The following MID2 variants were observed in gnomAD, a reference collection of about 807,000 sequenced individuals.
MID2 encodes the protein midline 2, also known as probable E3 ubiquitin-protein ligase MID2.
Under a neutral mutation model 46.1 loss-of-function variants are expected in MID2, and 13 were observed. The observed-to-expected ratio is 0.28, with a 90% CI of 0.18 to 0.45. The LOEUF is 0.45. Ranked by LOEUF, MID2 falls within the 20% of genes least tolerant of loss-of-function variation. The pLI is 1.00. For synonymous variants in MID2, 199 were observed against 212.3 expected, an observed-to-expected ratio of 0.94 and a Z score of 0.55; for missense variants, 431 against 575.4, an observed-to-expected ratio of 0.75 and a Z score of 2.57.
At chrX:107,917,463 G>C (rs752137456) in intron 6 of MID2, 43 bp from the exon 7 acceptor site, 18 of 1,036,210 alleles carry the variant, frequency 1.7e-5, no homozygotes, top group Non-Finnish European at 2.0e-5. Flanking sequence ...TTCCAGAAGA[G>C]AAAGTATGCT....
At chrX:107,851,697 GA>G (rs2147832565) in intron 2 of MID2, among the ~76,000 whole-genome samples, 1 of 110,322 alleles carries the variant, frequency 9.1e-6, no homozygotes, top group Non-Finnish European at 1.9e-5. Context: ...AACAAACAAA[GA>G]AACTACAAAC....
intron 1 of MID2, among the ~76,000 whole-genome samples, chrX:107,838,390 T>G (rs983469891): frequency 6.2e-5 from 7 of 112,443 alleles, no homozygotes; most frequent in Non-Finnish European, 1.1e-4. Flanking sequence ...CTTTTTCATC[T>G]GTATGGGTGA....
chrX:107,835,487 T>A (rs1931181999), intron 1 of MID2, among the ~76,000 whole-genome samples: 1 of 112,384 alleles, frequency 8.9e-6, no homozygotes, highest in African/African-American at 3.2e-5. Context: ...GGGTTCTAAC[T>A]TCTCCAAATC....
chrX:107,914,393 C>T (rs947652279), intron 5 of MID2, among the ~76,000 whole-genome samples: 5 of 112,384 alleles, frequency 4.4e-5, no homozygotes, highest in Non-Finnish European at 3.8e-5. Context: ...CATGTGAGAC[C>T]TTATGATTGT....
rs766824062 is a variant in MID2 at position 107,831,152 on chromosome X, CTGGTTCAGCCTAAG to C, written c.4+4726_4+4739del. Among the ~76,000 whole-genome samples, 100 of 111,508 alleles carry C rather than the reference CTGGTTCAGCCTAAG, an allele frequency of 9.0e-4. No homozygotes were observed. The Middle Eastern group carries it at 0.014, about 15-fold the overall frequency. The stretch of plus-strand genomic sequence containing the variant: ...ATTCACCTGAATACACTCTAGGATG[CTGGTTCAGCCTAAG>C]TGGGTTGGCAAAGTATCATTTGTAA... On this transcript the variant is annotated intron_variant, in intron 1 of 9. Coordinates refer to ENST00000262843, the MANE Select transcript of MID2 (RefSeq NM_012216.4).
intron 3 of MID2, among the ~76,000 whole-genome samples, chrX:107,868,862 C>G (rs1932010708): frequency 9.0e-6 from 1 of 110,696 alleles, no homozygotes; most frequent in Non-Finnish European, 1.9e-5. Flanking sequence ...ATATAGGTCA[C>G]ACTTAAAACC....
At position 107,826,445 on chromosome X, in the gene MID2, C is replaced by T; in HGVS notation, c.4+15C>T. Reference sequence around the variant, plus strand: ...GAACGCTATGGGTAAAACGCGCCCCCTCGCCGCGGCCCTGGAGGTCGAGCG... The same window carrying T: ...GAACGCTATGGGTAAAACGCGCCCCTTCGCCGCGGCCCTGGAGGTCGAGCG... On this transcript the variant is annotated intron_variant, in intron 1 of 9. Transcript: ENST00000262843. 8.8e-7 allele frequency: 1 copy of T among 1,134,885 alleles called. No individual in the cohort carries two copies. Among genetic ancestry groups the T allele is most frequent in the Non-Finnish European group, 1.2e-6 (1 of 857,977 alleles). 93.5% of individuals were successfully genotyped at this position (1,134,885 alleles called of 1,213,427 possible).
At chrX:107,894,864 T>A (rs372641376) in intron 3 of MID2, 45 of 26,073 alleles carry the variant, frequency 1.7e-3, no homozygotes, top group African/African-American at 5.0e-3. Flanking sequence ...TGTGTGTGTG[T>A]GAAAGAGAGA....
chrX:107,885,081 GT>G (rs1301759814), intron 3 of MID2, among the ~76,000 whole-genome samples: 1 of 104,339 alleles, frequency 9.6e-6, no homozygotes, highest in African/African-American at 3.6e-5. Flanking sequence ...TTTTGTTTTT[GT>G]TTTTTTTCCA....
chrX:107,868,275 T>C (rs535813181), intron 3 of MID2, among the ~76,000 whole-genome samples: 2 of 110,617 alleles, frequency 1.8e-5, no homozygotes, highest in African/African-American at 6.6e-5. Flanking sequence ...GACAAAGGAG[T>C]TGGAATGATC....
intron 3 of MID2, among the ~76,000 whole-genome samples, chrX:107,881,465 C>T (rs1271758239): frequency 8.9e-6 from 1 of 112,484 alleles, no homozygotes; most frequent in East Asian, 2.8e-4. Flanking sequence ...ATTTCTCACT[C>T]TCTTTGTTCT....
At chrX:107,865,704 C>G (rs961620740) in intron 3 of MID2, among the ~76,000 whole-genome samples, 1 of 112,510 alleles carries the variant, frequency 8.9e-6, no homozygotes, top group Non-Finnish European at 1.9e-5. Context: ...TCCTCCTCTT[C>G]TCCATATCCC....
At chrX:107,848,398 T>C (rs1430264585) in intron 2 of MID2, among the ~76,000 whole-genome samples, 1 of 111,432 alleles carries the variant, frequency 9.0e-6, no homozygotes, top group Non-Finnish European at 1.9e-5. Flanking sequence ...CAAATAATAA[T>C]GTATCCATTT....
intron 3 of MID2, among the ~76,000 whole-genome samples, chrX:107,883,320 T>G (rs1214491398): frequency 9.0e-6 from 1 of 111,269 alleles, no homozygotes; most frequent in Non-Finnish European, 1.9e-5. Context: ...CTGCATGTTC[T>G]GCACATGTAC....
intron 3 of MID2, among the ~76,000 whole-genome samples, chrX:107,866,318 G>T (rs752744305): frequency 9.0e-6 from 1 of 110,705 alleles, no homozygotes; most frequent in African/African-American, 3.3e-5. Flanking sequence ...AGATGAATAC[G>T]CAAATTGCAT....
intron 3 of MID2, among the ~76,000 whole-genome samples, chrX:107,900,954 G>A (rs1172516192): frequency 8.9e-6 from 1 of 112,175 alleles, no homozygotes; most frequent in Admixed American, 9.5e-5. Context: ...TTGATAAGAT[G>A]TCTGGTAATG....
chrX:107,905,716 T>G (rs1932830590), intron 5 of MID2, 90 bp downstream of exon 5: 1 of 785,393 alleles, frequency 1.3e-6, no homozygotes, highest in Admixed American at 3.3e-5. Context: ...ATCTAACAGC[T>G]GCCACCTGAA....
intron 5 of MID2, among the ~76,000 whole-genome samples, chrX:107,912,823 C>T (rs1029185945): frequency 2.7e-5 from 3 of 110,710 alleles, no homozygotes; most frequent in Admixed American, 1.9e-4. Flanking sequence ...TGAGAATCAT[C>T]TACTCACCTT....
chrX:107,826,719 C>T (rs1053201413), intron 1 of MID2, among the ~76,000 whole-genome samples: 1 of 113,243 alleles, frequency 8.8e-6, no homozygotes, highest in Non-Finnish European at 1.9e-5. Flanking sequence ...GAGGCCTCTG[C>T]GCAGCCTGGC....
Sources: gnomAD v4.1 joint callset for allele counts (sites outside exome capture counted in the v4.1 genomes callset) on GRCh38, gnomAD v4.1.1 for gene constraint, MANE v1.5 for transcripts, NCBI Gene and HGNC (gene_info 2026-07-23, HGNC 2026-07-21) for gene names.